The following HLCS variants were observed in gnomAD, a reference collection of about 807,000 sequenced individuals.
HLCS encodes the protein biotin--protein ligase.
In HLCS, 53 loss-of-function variants were observed where a neutral mutation model predicts 75.0. The ratio of observed to expected loss-of-function variants is 0.71; its 90% CI spans 0.57 to 0.89. The LOEUF is 0.89. HLCS is among the 40% of genes least tolerant of loss of function. The pLI, the probability that HLCS is intolerant of heterozygous loss-of-function variation, is 0.00. For synonymous variants in HLCS, 431 were observed against 428.6 expected (o/e 1.01, Z -0.07); for missense variants, 966 against 1,074.0 (o/e 0.90, Z 1.41).
At chr21:36,792,423 C>T (rs568901558) in intron 6 of HLCS, among the ~76,000 whole-genome samples, 11 of 134,834 alleles carry the variant, frequency 8.2e-5, no homozygotes, top group Admixed American at 2.7e-4. Context: ...CTCTTTCCTT[C>T]GATTTACCCT....
chr21:36,902,586 G>A (rs181407641), intron 5 of HLCS, among the ~76,000 whole-genome samples: 7 of 152,290 alleles, frequency 4.6e-5, no homozygotes, highest in Non-Finnish European at 7.3e-5. Flanking sequence ...GCTGGCAGCC[G>A]GTAGAAGTCA....
intron 6 of HLCS, among the ~76,000 whole-genome samples, chr21:36,883,917 C>T (rs556272768): frequency 1.3e-5 from 2 of 152,274 alleles, no homozygotes; most frequent in East Asian, 3.9e-4. Flanking sequence ...CCACAGACAC[C>T]AAGGAGGGTG....
At chr21:36,947,343 T>A (rs756788534) in intron 2 of HLCS, 2 of 985,456 alleles carry the variant, frequency 2.0e-6, no homozygotes, top group Non-Finnish European at 2.4e-6. Flanking sequence ...CTAAGTGCAT[T>A]TCCGTTTTCT....
chr21:36,841,518 G>C (rs1048949965), intron 6 of HLCS, among the ~76,000 whole-genome samples: 3 of 152,248 alleles, frequency 2.0e-5, no homozygotes, highest in African/African-American at 7.2e-5. Context: ...TGGAAAGCAA[G>C]AGGATTCAAT....
chr21:36,869,109 T>A (rs11909879), intron 6 of HLCS, among the ~76,000 whole-genome samples: 17 of 76,318 alleles, frequency 2.2e-4, no homozygotes, highest in African/African-American at 4.2e-4. Flanking sequence ...TTTATTTATT[T>A]ATTTATTTAT....
intron 6 of HLCS, among the ~76,000 whole-genome samples, chr21:36,828,404 A>AATGAATGG (rs60452219): frequency 1.3e-5 from 2 of 151,408 alleles, no homozygotes; most frequent in East Asian, 3.8e-4. Context: ...TGAATGAATG[A>AATGAATGG]GTGAATAAAT....
chr21:36,774,376 A>G (rs1370969910), intron 6 of HLCS, among the ~76,000 whole-genome samples: 2 of 152,200 alleles, frequency 1.3e-5, no homozygotes, highest in Non-Finnish European at 2.9e-5. Context: ...TGATATGAAC[A>G]TGGAGTAAGG....
chr21:36,902,820 G>T (rs1776528430), intron 5 of HLCS, among the ~76,000 whole-genome samples: 1 of 152,114 alleles, frequency 6.6e-6, no homozygotes, highest in Admixed American at 6.5e-5. Flanking sequence ...AACTGAGAGT[G>T]AGAAGTCCGC....
intron 5 of HLCS, among the ~76,000 whole-genome samples, chr21:36,898,938 G>A (rs953618571): frequency 6.6e-6 from 1 of 151,768 alleles, no homozygotes; most frequent in Non-Finnish European, 1.5e-5. Flanking sequence ...GCGTGCAACT[G>A]TAGTCCCAGA....
chr21:36,915,103 G>C (rs1408002275), intron 5 of HLCS, among the ~76,000 whole-genome samples: 1 of 152,194 alleles, frequency 6.6e-6, no homozygotes, highest in Non-Finnish European at 1.5e-5. Context: ...CTATTTGCCT[G>C]TTACCTGCCA....
At position 36,922,295 on chromosome 21, in the gene HLCS, G is replaced by T. The variant is rs78881823; in HGVS notation, c.1620+7956C>A. ...TATGTACATTTCTGGTATACCACAT[G>T]ATGCTTTGATATATGTGTATGTTAC... On this transcript the variant is annotated intron_variant, in intron 5 of 10. Transcript: ENST00000674895. Among the ~76,000 whole-genome samples the T allele has an allele frequency of 2.7e-3, 417 of 152,248 alleles. 2 individuals carry two copies. The highest frequency in any genetic ancestry group is 9.8e-3 in the African/African-American group (407 of 41,554).
intron 1 of HLCS, 30 bp from the exon 2 acceptor site, chr21:36,962,200 T>A (rs1476885192): frequency 2.2e-6 from 2 of 895,328 alleles, no homozygotes; most frequent in Non-Finnish European, 3.1e-6. Context: ...TATAATGAGA[T>A]TGTCACTTCA....
At chr21:36,778,526 G>GC (rs1555887801) in intron 6 of HLCS, among the ~76,000 whole-genome samples, 1 of 150,144 alleles carries the variant, frequency 6.7e-6, no homozygotes, top group Non-Finnish European at 1.5e-5. Flanking sequence ...CGATTCACCC[G>GC]CCTCGGCCTC....
chr21:36,933,602 C>T (rs1472338191), intron 4 of HLCS, among the ~76,000 whole-genome samples: 2 of 150,858 alleles, frequency 1.3e-5, no homozygotes, highest in African/African-American at 2.4e-5. Context: ...TGCACTTCTA[C>T]CCTAAATGTG....
rs561938139 is a variant in HLCS, at chr21:36,815,183, C to T, written c.1893-47898G>A. 5.3e-5 allele frequency among the ~76,000 whole-genome samples: 8 copies of T among 152,216 alleles called. No individual in the cohort carries two copies. The South Asian group carries it at 1.0e-3, about 20-fold the overall frequency. ...CTGGGATTACAGGCATATGCCACCA[C>T]ATCCCACTAATTTTTTTGTATTTTT... On this transcript the variant is annotated intron_variant, in intron 6 of 10. Transcript: ENST00000674895.
At chr21:36,989,972 A>G (rs1003137604) in intron 1 of HLCS, among the ~76,000 whole-genome samples, 1 of 152,054 alleles carries the variant, frequency 6.6e-6, no homozygotes, top group African/African-American at 2.4e-5. Flanking sequence ...CTCCACCGGA[A>G]GCCCCGCCCC....
chr21:36,971,022 C>A (rs1291830734), upstream of HLCS, among the ~76,000 whole-genome samples: 1 of 151,088 alleles, frequency 6.6e-6, no homozygotes, highest in Admixed American at 6.6e-5. Context: ...AAAAGAAAAT[C>A]TTGATCTCTA....
chr21:36,969,731 C>G (rs975425762), upstream of HLCS: 1 of 152,168 alleles, frequency 6.6e-6, no homozygotes, highest in Non-Finnish European at 1.5e-5. Flanking sequence ...TGCCACCACA[C>G]CTGGCTAATT....
At chr21:36,880,913 C>T (rs183270796) in intron 6 of HLCS, among the ~76,000 whole-genome samples, 7 of 152,216 alleles carry the variant, frequency 4.6e-5, no homozygotes, top group Admixed American at 3.3e-4. Context: ...TCCCCTCCTG[C>T]GTTCTGGGTG....
Sources: gnomAD v4.1 joint callset for allele counts (sites outside exome capture counted in the v4.1 genomes callset) on GRCh38, gnomAD v4.1.1 for gene constraint, MANE v1.5 for transcripts, NCBI Gene and HGNC (gene_info 2026-07-23, HGNC 2026-07-21) for gene names.